The following TMEM208 variants were observed in gnomAD, a reference collection of about 807,000 sequenced individuals.
TMEM208 encodes the protein transmembrane protein 208.
A neutral mutation model predicts 26.4 loss-of-function variants in TMEM208; 19 were observed. That is an observed-to-expected ratio of 0.72 (90% confidence interval 0.50 to 1.06). The LOEUF is 1.06. Ranked by LOEUF, TMEM208 falls within the 50% of genes least tolerant of loss-of-function variation. TMEM208 has a pLI of 0.00. For synonymous variants in TMEM208, 93 were observed against 83.1 expected (o/e 1.12, Z -0.65); for missense variants, 183 against 219.8 (o/e 0.83, Z 1.06).
chr16:67,228,654 C>T, intron 4 of TMEM208, 23 bp downstream of exon 4: 1 of 1,545,452 alleles, frequency 6.5e-7, no homozygotes, highest in Non-Finnish European at 8.7e-7. Context: ...CACCGCCAGC[C>T]CAGGTGAGCG....
intron 2 of TMEM208, 49 bp downstream of exon 2, chr16:67,227,980 A>G (rs1171006010): frequency 2.0e-6 from 3 of 1,467,820 alleles, no homozygotes; most frequent in Non-Finnish European, 2.8e-6. Flanking sequence ...TCAGTTCCCT[A>G]GTCCTCAGCC....
intron 2 of TMEM208, 162 bp downstream of exon 2, chr16:67,228,093 C>T: frequency 1.5e-6 from 1 of 667,128 alleles, no homozygotes; most frequent in Non-Finnish European, 2.5e-6. Context: ...ACTAGTAAAA[C>T]ACAAAGAAAA....
At position 67,227,855 on chromosome 16, in the gene TMEM208, C is replaced by T. The variant is rs1160391826; in HGVS notation, c.26C>T (p.Thr9Met). ...CTGCAGCCCAAGGGCAAAGTGGGCA[C>T]GAGAGGGAAGAAGCAGATATTTGAA... is the stretch of plus-strand genomic sequence containing the variant. MAPKGKVG[T>M]RGKKQIFEEN... The change falls in exon 2 of 6, where the codon ACG becomes ATG. Residue 9 changes from threonine to methionine, a missense_variant. Coordinates refer to ENST00000304800, the MANE Select transcript of TMEM208 (RefSeq NM_014187.4). 3.9e-5 allele frequency: 62 copies of T among 1,609,752 alleles called. No individual in the cohort carries two copies. The highest frequency in any genetic ancestry group is 4.5e-5 in the Non-Finnish European group (53 of 1,178,126).
rs185816739 is a variant in TMEM208 at position 67,227,943 on chromosome 16, C to T, written c.102+12C>T. 5 of 1,595,296 alleles carry T rather than the reference C, an allele frequency of 3.1e-6. No individual in the cohort carries two copies. Among genetic ancestry groups the T allele is most frequent in the Non-Finnish European group, 4.3e-6 (5 of 1,169,428 alleles). On this transcript the variant is annotated intron_variant, in intron 2 of 5. Transcript: ENST00000304800. ...TACTGGGGGCCAATGTAAGTGCCTA[C>T]CTCCTTGCTTCTATGCCCACTTATA...
At position 67,228,619 on chromosome 16, in the gene TMEM208, AG is replaced by A. The variant is rs761926150; in HGVS notation, c.290del (p.Gly97AlafsTer9). ...MDGGMDLNME[Q>X]GMAEHLKDVI... ...GGTGGCATGGACCTCAACATGGAGC[AG>A]GGCATGGCAGAGTGAGTGTCCCCCA... On this transcript the variant is annotated frameshift_variant, in exon 4 of 6. Coordinates refer to ENST00000304800, the MANE Select transcript of TMEM208 (RefSeq NM_014187.4). LOFTEE classifies it high-confidence loss of function. The A allele has an allele frequency of 6.4e-7, 1 of 1,569,970 alleles. No homozygotes were observed. The highest frequency in any genetic ancestry group is 1.8e-5 in the Admixed American group (1 of 55,328).
intron 1 of TMEM208, 124 bp downstream of exon 1, chr16:67,227,348 G>C: frequency 7.2e-7 from 1 of 1,381,094 alleles, no homozygotes; most frequent in South Asian, 1.3e-5. Flanking sequence ...TCCCTGGCCA[G>C]ACCGTGCTAG....
At chr16:67,227,546 T>G in intron 1 of TMEM208, 1 of 547,036 alleles carries the variant, frequency 1.8e-6, no homozygotes, top group Non-Finnish European at 3.2e-6. Flanking sequence ...CTTGGAAGAG[T>G]CGTTAGCCTA....
chr16:67,228,116 T>G, intron 2 of TMEM208, 185 bp downstream of exon 2: 1 of 646,414 alleles, frequency 1.5e-6, no homozygotes, highest in Non-Finnish European at 2.7e-6. Context: ...AAGGCGTGAG[T>G]CGTAGCTGAA....
At position 67,227,907 on chromosome 16, in the gene TMEM208, C is replaced by T. The variant is rs942797526; in HGVS notation, c.78C>T (p.Tyr26=). Residue 26 remains tyrosine, a synonymous_variant, in exon 2 of 6, where the codon TAC becomes TAT. Transcript: ENST00000304800. ...AGAACAGAGAGACTCTGAAGTTCTACCTGCGGATCATACTGGGGGCCAATG... is the reference window on the plus strand; with the variant it reads ...AGAACAGAGAGACTCTGAAGTTCTATCTGCGGATCATACTGGGGGCCAATG... ...FEENRETLKF[Y]LRIILGANAI... is the part of the protein sequence containing the mutation. 12 of 1,610,868 alleles carry T rather than the reference C, an allele frequency of 7.4e-6. No individual in the cohort carries two copies. The Middle Eastern group carries it at 5.0e-4, about 66-fold the overall frequency.
At chr16:67,227,742 C>T in intron 1 of TMEM208, 94 bp from the exon 2 acceptor site, 1 of 990,396 alleles carries the variant, frequency 1.0e-6, no homozygotes, top group Non-Finnish European at 1.5e-6. Flanking sequence ...GGGGACCTGG[C>T]TGAGTTGCGG....
chr16:67,227,952 T>C, intron 2 of TMEM208, 21 bp downstream of exon 2: 2 of 1,578,374 alleles, frequency 1.3e-6, no homozygotes, highest in Non-Finnish European at 1.7e-6. Context: ...ACCTCCTTGC[T>C]TCTATGCCCA....
chr16:67,227,465 G>A (rs2034065365), intron 1 of TMEM208: 2 of 587,616 alleles, frequency 3.4e-6, no homozygotes, highest in African/African-American at 1.9e-5. Flanking sequence ...CTGAGGTGGG[G>A]GTTAACCCAG....
intron 4 of TMEM208, 55 bp downstream of exon 4, chr16:67,228,686 T>C (rs2034122170): frequency 3.2e-6 from 5 of 1,541,470 alleles, no homozygotes; most frequent in African/African-American, 1.4e-5. Flanking sequence ...GGGGCCCAGA[T>C]AGCCCAAGAA....
In TMEM208 at chr16:67,228,413, G is replaced by C. The variant is rs779862669; in HGVS notation, c.161G>C (p.Trp54Ser). 3.1e-6 allele frequency: 5 copies of C among 1,614,012 alleles called. No individual in the cohort carries two copies. The highest frequency in any genetic ancestry group is 4.2e-6 in the Non-Finnish European group (5 of 1,179,882). ...FFYSSASFWAWLALGFSLAVY... is the reference protein window; with the variant it reads ...FFYSSASFWASLALGFSLAVY... ...TACTCATCTGCCTCATTTTGGGCCTGGGTAAGTATCTCCATCCTGGGAGGT... is the reference window on the plus strand; with the variant it reads ...TACTCATCTGCCTCATTTTGGGCCTCGGTAAGTATCTCCATCCTGGGAGGT... The change falls in exon 3 of 6, where the codon TGG becomes TCG. Residue 54 changes from tryptophan (W) to serine (S), a missense_variant and splice_region_variant. Transcript: ENST00000304800.
chr16:67,227,618 A>G, intron 1 of TMEM208: 1 of 580,302 alleles, frequency 1.7e-6, no homozygotes, highest in Non-Finnish European at 3.0e-6. Flanking sequence ...TTCCAGGGCG[A>G]GCAAGAGGCG....
intron 2 of TMEM208, 135 bp from the exon 3 acceptor site, chr16:67,228,220 C>A: frequency 1.0e-6 from 1 of 981,892 alleles, no homozygotes; most frequent in Admixed American, 1.9e-5. Context: ...ATTCAGGGAG[C>A]AGGGCCCTTT....
rs1364509476 is a variant in TMEM208 at position 67,228,785 on chromosome 16, T to C, written c.300-12T>C. On this transcript the variant is annotated splice_polypyrimidine_tract_variant and intron_variant, in intron 4 of 5. Transcript: ENST00000304800. ...CCATATGCTGTCTTTCCAGCTTTAT[T>C]TCTATCCACAGGCACCTTAAGGATG... 6.2e-7 allele frequency: 1 copy of C among 1,608,424 alleles called. No homozygotes were observed. Among genetic ancestry groups the C allele is most frequent in the Admixed American group, 1.7e-5 (1 of 58,418 alleles).
chr16:67,227,972 A>G, intron 2 of TMEM208, 41 bp downstream of exon 2: 1 of 1,502,718 alleles, frequency 6.7e-7, no homozygotes, highest in Middle Eastern at 1.7e-4. Context: ...ACTTATAGTC[A>G]GTTCCCTAGT....
At position 67,228,963 on chromosome 16, in the gene TMEM208, G is replaced by T. The variant is rs374101968; in HGVS notation, c.385-13G>T. 3 of 1,608,944 alleles carry T rather than the reference G, an allele frequency of 1.9e-6. No individual in the cohort carries two copies. Among genetic ancestry groups the T allele is most frequent in the African/African-American group, 1.3e-5 (1 of 74,610 alleles). On this transcript the variant is annotated splice_polypyrimidine_tract_variant and intron_variant, in intron 5 of 5. Coordinates refer to ENST00000304800, the MANE Select transcript of TMEM208 (RefSeq NM_014187.4). ...TCCCTGCATCTTGCTTCAAGTTACC[G>T]TTTCTCTTGTAGGCTCCAGGCCGGG...
Sources: gnomAD v4.1 joint callset for allele counts on GRCh38, gnomAD v4.1.1 for gene constraint, MANE v1.5 for transcripts, NCBI Gene and HGNC (gene_info 2026-07-23, HGNC 2026-07-21) for gene names.